The following RARB variants were observed in gnomAD, a reference collection of about 807,000 sequenced individuals.
RARB encodes retinoic acid receptor beta.
A neutral mutation model predicts 51.9 loss-of-function variants in RARB; 17 were observed. That is an observed-to-expected ratio of 0.33 (90% CI 0.22 to 0.49). The LOEUF (loss-of-function observed/expected upper bound fraction) is 0.49, where lower values mean the gene tolerates loss of function less well. Among genes scored for constraint, RARB ranks in the 20% least tolerant of loss-of-function variants. The pLI is 0.99. For missense variants in RARB, 369 were observed against 550.8 expected (o/e 0.67, Z 3.30); for synonymous variants, 215 against 195.4 (o/e 1.10, Z -0.84).
chr3:25,230,414 T>C (rs1008652571), intron 5 of RARB, among the ~76,000 whole-genome samples: 2 of 152,114 alleles, frequency 1.3e-5, no homozygotes, highest in East Asian at 3.9e-4. Flanking sequence ...TCCCCAAATC[T>C]CAGGGAGCTA....
intron 2 of RARB, among the ~76,000 whole-genome samples, chr3:25,039,702 T>G (rs1698074351): frequency 6.6e-6 from 1 of 152,150 alleles, no homozygotes; most frequent in Non-Finnish European, 1.5e-5. Flanking sequence ...TTGTAATAAA[T>G]TTGGAGGTAG....
chr3:25,037,909 G>C (rs1698030902), intron 2 of RARB, among the ~76,000 whole-genome samples: 1 of 152,100 alleles, frequency 6.6e-6, no homozygotes, highest in African/African-American at 2.4e-5. Flanking sequence ...GAGAAAGAGA[G>C]AAAACCAGAA....
intron 2 of RARB, among the ~76,000 whole-genome samples, chr3:24,860,146 A>T (rs1454393848): frequency 6.6e-6 from 1 of 151,852 alleles, no homozygotes; most frequent in Non-Finnish European, 1.5e-5. Context: ...GGCCCATGTC[A>T]GAGGGGTTAG....
chr3:25,099,848 G>T (rs1228487917), intron 3 of RARB, among the ~76,000 whole-genome samples: 1 of 152,068 alleles, frequency 6.6e-6, no homozygotes, highest in Non-Finnish European at 1.5e-5. Context: ...CTTCATTTGT[G>T]TGTGCAGTCC....
At chr3:25,223,957 A>T (rs976344071) in intron 5 of RARB, among the ~76,000 whole-genome samples, 1 of 152,206 alleles carries the variant, frequency 6.6e-6, no homozygotes, top group Non-Finnish European at 1.5e-5. Context: ...ATATTTAAAA[A>T]TTTTTTGAGT....
chr3:25,431,500 G>A (rs1219037591), intron 1 of RARB, among the ~76,000 whole-genome samples: 5 of 152,084 alleles, frequency 3.3e-5, no homozygotes, highest in Non-Finnish European at 4.4e-5. Flanking sequence ...TAAATATTAC[G>A]ATTGACGACT....
intron 5 of RARB, among the ~76,000 whole-genome samples, chr3:25,242,073 T>G (rs770781497): frequency 1.4e-4 from 21 of 152,238 alleles, no homozygotes; most frequent in Non-Finnish European, 5.9e-5. Flanking sequence ...TGGATGAGCT[T>G]CTTTTCATAT....
intron 5 of RARB, among the ~76,000 whole-genome samples, chr3:25,247,155 G>A (rs1463663084): frequency 3.3e-5 from 5 of 152,180 alleles, no homozygotes; most frequent in African/African-American, 1.2e-4. Context: ...CCTCAGTAAT[G>A]GCAGATGCCC....
At chr3:25,182,233 C>T (rs868423929) in intron 5 of RARB, among the ~76,000 whole-genome samples, 1 of 152,104 alleles carries the variant, frequency 6.6e-6, no homozygotes, top group Non-Finnish European at 1.5e-5. Context: ...GAAAAAATAA[C>T]AGTGTGAAAT....
chr3:25,405,649 T>A (rs567900980), intron 5 of RARB, among the ~76,000 whole-genome samples: 1 of 152,354 alleles, frequency 6.6e-6, no homozygotes, highest in Admixed American at 6.5e-5. Flanking sequence ...GCAATTTAAA[T>A]TTAAATGAAA....
chr3:25,285,145 G>A (rs1703618239), intron 5 of RARB, among the ~76,000 whole-genome samples: 2 of 152,144 alleles, frequency 1.3e-5, no homozygotes, highest in Non-Finnish European at 2.9e-5. Context: ...TCACAACAGT[G>A]AATATATAAT....
intron 2 of RARB, among the ~76,000 whole-genome samples, chr3:24,862,071 T>C (rs999118037): frequency 1.3e-5 from 2 of 152,202 alleles, no homozygotes; most frequent in Admixed American, 6.5e-5. Context: ...TAAGCTAACA[T>C]TTCCAATGGT....
intron 5 of RARB, among the ~76,000 whole-genome samples, chr3:25,207,007 T>C (rs576848777): frequency 6.6e-6 from 1 of 152,322 alleles, no homozygotes; most frequent in Admixed American, 6.5e-5. Context: ...TTTCCATGGT[T>C]ATTTACTTCT....
chr3:24,872,015 C>T (rs943291067), intron 2 of RARB, among the ~76,000 whole-genome samples: 1 of 152,130 alleles, frequency 6.6e-6, no homozygotes, highest in African/African-American at 2.4e-5. Context: ...TACCCCTCTA[C>T]AAACTGTTTT....
At chr3:24,953,375 T>G (rs2125407032) in intron 2 of RARB, among the ~76,000 whole-genome samples, 1 of 152,316 alleles carries the variant, frequency 6.6e-6, no homozygotes, top group East Asian at 1.9e-4. Flanking sequence ...ATTTATTTTC[T>G]AAAATAAATG....
At chr3:25,192,546 T>C (rs1190102283) in intron 5 of RARB, among the ~76,000 whole-genome samples, 2 of 152,150 alleles carry the variant, frequency 1.3e-5, no homozygotes, top group East Asian at 3.9e-4. Context: ...TACTGCTCTT[T>C]ACTCATCGTG....
At chr3:24,950,910 T>C (rs2125405646) in intron 2 of RARB, among the ~76,000 whole-genome samples, 1 of 152,230 alleles carries the variant, frequency 6.6e-6, no homozygotes, top group Non-Finnish European at 1.5e-5. Context: ...AATCAAACAA[T>C]GGTGGTGGGA....
At chr3:24,865,462 A>G (rs73152483) in intron 2 of RARB, among the ~76,000 whole-genome samples, 2,147 of 152,112 alleles carry the variant, frequency 0.014, 28 homozygotes, top group African/African-American at 0.048. Flanking sequence ...TGTTATCCCC[A>G]TTTTCCAGAT....
chr3:25,506,400 G>C (rs1025520972), intron 3 of RARB, among the ~76,000 whole-genome samples: 2 of 152,096 alleles, frequency 1.3e-5, no homozygotes, highest in East Asian at 3.9e-4. Flanking sequence ...GAGCCCAGTA[G>C]TTTGAGACCA....
Sources: allele counts gnomAD v4.1 joint callset (sites outside exome capture counted in the v4.1 genomes callset), GRCh38; gene constraint gnomAD v4.1.1; transcripts MANE v1.5; gene names NCBI Gene and HGNC (gene_info 2026-07-23, HGNC 2026-07-21).